Variants in SSBP3 observed in about 807,000 individuals in gnomAD.
SSBP3 encodes the protein single-stranded DNA-binding protein 3.
SSBP3 carries 5 observed loss-of-function variants against 69.6 expected under a neutral mutation model. That is an observed-to-expected ratio of 0.07 (90% CI 0.04 to 0.15). The LOEUF (loss-of-function observed/expected upper bound fraction) is 0.15, where lower values mean the gene tolerates loss of function less well. Among genes scored for constraint, SSBP3 ranks in the 10% least tolerant of loss-of-function variants. The probability of loss-of-function intolerance (pLI) is 1.00; values close to 1 mark genes in which losing one functional copy is unlikely to be tolerated. For missense variants in SSBP3, 312 were observed against 534.0 expected (o/e 0.58, Z 4.10); for synonymous variants, 196 against 193.4 (o/e 1.01, Z -0.11).
chr1:54,250,600 C>A (rs1265849285), intron 9 of SSBP3, among the ~76,000 whole-genome samples: 1 of 152,154 alleles, frequency 6.6e-6, no homozygotes, highest in African/African-American at 2.4e-5. Context: ...GGGCCCAGAG[C>A]CTGAACACCT....
At chr1:54,408,902 T>C (rs963478779), upstream of SSBP3, among the ~76,000 whole-genome samples, 4 of 152,128 alleles carry the variant, frequency 2.6e-5, no homozygotes, top group Non-Finnish European at 5.9e-5. Flanking sequence ...AGATCCCTTG[T>C]TGGAGCTAAA....
At chr1:54,317,481 G>C (rs1474665221) in intron 4 of SSBP3, among the ~76,000 whole-genome samples, 1 of 151,728 alleles carries the variant, frequency 6.6e-6, no homozygotes, top group Non-Finnish European at 1.5e-5. Context: ...AGGTTGCAGT[G>C]AGCAGAGGTT....
At chr1:54,349,435 T>C (rs935792858) in intron 4 of SSBP3, among the ~76,000 whole-genome samples, 1 of 152,248 alleles carries the variant, frequency 6.6e-6, no homozygotes, top group Non-Finnish European at 1.5e-5. Context: ...AACTGCATGA[T>C]ACACTGACCA....
chr1:54,311,882 C>T (rs1236241443), intron 4 of SSBP3, among the ~76,000 whole-genome samples: 4 of 152,262 alleles, frequency 2.6e-5, no homozygotes, highest in African/African-American at 9.6e-5. Flanking sequence ...CTGGGGACTC[C>T]TTGACCATCT....
At chr1:54,229,235 C>T (rs991835589) in intron 14 of SSBP3, among the ~76,000 whole-genome samples, 2 of 152,154 alleles carry the variant, frequency 1.3e-5, no homozygotes, top group Non-Finnish European at 2.9e-5. Flanking sequence ...GCTTCTCATC[C>T]CCACTTCACA....
At chr1:54,301,173 T>C (rs557165904) in intron 4 of SSBP3, among the ~76,000 whole-genome samples, 9 of 152,208 alleles carry the variant, frequency 5.9e-5, no homozygotes, top group Non-Finnish European at 7.3e-5. Flanking sequence ...CTGCATCTCA[T>C]CTTTTACCAC....
At chr1:54,280,526 CA>C (rs926471559) in intron 5 of SSBP3, among the ~76,000 whole-genome samples, 5 of 152,196 alleles carry the variant, frequency 3.3e-5, no homozygotes, top group Non-Finnish European at 5.9e-5. Flanking sequence ...GCCAATCTTT[CA>C]AAAGGTGTGG....
intron 4 of SSBP3, among the ~76,000 whole-genome samples, chr1:54,352,665 C>G (rs945448269): frequency 2.1e-4 from 32 of 152,216 alleles, no homozygotes; most frequent in African/African-American, 7.5e-4. Flanking sequence ...CAGGAAGAAG[C>G]TGCGTCTTGC....
chr1:54,404,462 C>A, intron 3 of SSBP3, 114 bp downstream of exon 3: 2 of 1,301,082 alleles, frequency 1.5e-6, no homozygotes, highest in Non-Finnish European at 2.2e-6. Flanking sequence ...CCGCTCTGTG[C>A]AACGCAGAGG....
At chr1:54,342,139 G>A (rs1332648817) in intron 4 of SSBP3, among the ~76,000 whole-genome samples, 2 of 152,220 alleles carry the variant, frequency 1.3e-5, no homozygotes, top group African/African-American at 4.8e-5. Flanking sequence ...GATGGCCCAA[G>A]GCACAGGAAA....
intron 1 of SSBP3, among the ~76,000 whole-genome samples, chr1:54,405,691 G>A (rs1047630534): frequency 2.0e-5 from 3 of 151,524 alleles, no homozygotes; most frequent in Non-Finnish European, 4.4e-5. Context: ...CTCGACCCGC[G>A]CCACGGCCAC....
chr1:54,389,609 A>C (rs1335324406), intron 4 of SSBP3, among the ~76,000 whole-genome samples: 1 of 152,194 alleles, frequency 6.6e-6, no homozygotes, highest in East Asian at 1.9e-4. Context: ...CTGTAATCCC[A>C]GCACTTTGGG....
At chr1:54,362,848 C>T (rs1277010117) in intron 4 of SSBP3, among the ~76,000 whole-genome samples, 2 of 152,098 alleles carry the variant, frequency 1.3e-5, no homozygotes, top group Non-Finnish European at 2.9e-5. Context: ...TTGTTTTACC[C>T]CTCGTTTTCT....
chr1:54,408,225 TGTTTC>T (rs1247395189), upstream of SSBP3, among the ~76,000 whole-genome samples: 1 of 152,170 alleles, frequency 6.6e-6, no homozygotes, highest in East Asian at 1.9e-4. Context: ...TTTTAAAGGT[TGTTTC>T]GTGAATGAGG....
At chr1:54,361,805 C>G (rs533255683) in intron 4 of SSBP3, among the ~76,000 whole-genome samples, 6 of 152,266 alleles carry the variant, frequency 3.9e-5, no homozygotes, top group Admixed American at 3.9e-4. Context: ...CCCACCACCA[C>G]GATGATACTA....
intron 5 of SSBP3, among the ~76,000 whole-genome samples, chr1:54,262,343 AGTCTAACAGG>A (rs1379965632): frequency 1.2e-4 from 19 of 152,168 alleles, no homozygotes; most frequent in Non-Finnish European, 2.5e-4. Context: ...CTGATTCTAG[AGTCTAACAGG>A]GTCCTGGGTA....
At position 54,411,992 on chromosome 1, in the gene SSBP3, C is replaced by T. The variant is rs538833116; in HGVS notation, c.-275+1364G>A. Among the ~76,000 whole-genome samples the T allele has an allele frequency of 2.0e-5, 3 of 152,238 alleles. No homozygotes were observed. The East Asian group carries it at 5.8e-4, about 29-fold the overall frequency. On this transcript the variant is annotated intron_variant, in intron 1 of 8. Coordinates refer to the SSBP3 transcript ENST00000525990. Reference sequence around the variant, plus strand: ...CCCCAACTCCACCTCACCAGACTCACCAGAGTGCCCTAGCCTCTGAGTTCT... The same window carrying T: ...CCCCAACTCCACCTCACCAGACTCATCAGAGTGCCCTAGCCTCTGAGTTCT...
intron 5 of SSBP3, among the ~76,000 whole-genome samples, chr1:54,272,035 C>A (rs533386552): frequency 2.6e-5 from 4 of 152,132 alleles, no homozygotes; most frequent in African/African-American, 7.2e-5. Context: ...CTCCAAAGTG[C>A]TGGGATTATA....
chr1:54,320,480 C>T (rs987723654), intron 4 of SSBP3, among the ~76,000 whole-genome samples: 1 of 127,742 alleles, frequency 7.8e-6, no homozygotes, highest in African/African-American at 3.6e-5. Context: ...ACCATGCTGG[C>T]TAATTTTTTT....
Sources: allele counts gnomAD v4.1 joint callset (sites outside exome capture counted in the v4.1 genomes callset), GRCh38; gene constraint gnomAD v4.1.1; transcripts MANE v1.5; gene names NCBI Gene and HGNC (gene_info 2026-07-23, HGNC 2026-07-21).